The following GSDMC variants were observed in gnomAD, a reference collection of about 807,000 sequenced individuals.
GSDMC encodes the protein gasdermin-C.
Under a neutral mutation model 58.0 loss-of-function variants are expected in GSDMC, and 59 were observed. The ratio of observed to expected loss-of-function variants is 1.02; its 90% CI spans 0.82 to 1.26. The LOEUF is 1.26. GSDMC is among the 50% of genes most tolerant of loss of function. The pLI is 0.00. For synonymous variants in GSDMC, 241 were observed against 220.2 expected, an observed-to-expected ratio of 1.09 and a Z score of -0.83; for missense variants, 659 against 598.5, an observed-to-expected ratio of 1.10 and a Z score of -1.06.
intron 3 of GSDMC, among the ~76,000 whole-genome samples, chr8:129,773,748 T>C (rs934056988): frequency 6.7e-6 from 1 of 148,588 alleles, no homozygotes; most frequent in Admixed American, 6.8e-5. Context: ...ATCACGCCAT[T>C]GTACTCCAGC....
At chr8:129,750,775 C>T (rs2033158213) in intron 10 of GSDMC, among the ~76,000 whole-genome samples, 1 of 152,096 alleles carries the variant, frequency 6.6e-6, no homozygotes, top group African/African-American at 2.4e-5. Flanking sequence ...ATCCAGTGTT[C>T]TGAAAAGGGG....
At chr8:129,759,052 A>T (rs2033554984) in intron 6 of GSDMC, among the ~76,000 whole-genome samples, 1 of 152,162 alleles carries the variant, frequency 6.6e-6, no homozygotes, top group African/African-American at 2.4e-5. Flanking sequence ...ACCTAGAAAC[A>T]AATCTATGTA....
rs766868112 is a variant in GSDMC, at chr8:129,777,359, T to A, written c.220+9A>T. ...ACCCCTCACCTCCTTGGCCTCTGGCTGACAATACCTAGGACTGAAGAACTT... is the reference window on the plus strand; with the variant it reads ...ACCCCTCACCTCCTTGGCCTCTGGCAGACAATACCTAGGACTGAAGAACTT... On this transcript the variant is annotated intron_variant, in intron 2 of 13. Transcript: ENST00000276708. 6.4e-7 allele frequency: 1 copy of A among 1,572,492 alleles called. No individual in the cohort carries two copies. The highest frequency in any genetic ancestry group is 8.8e-7 in the Non-Finnish European group (1 of 1,142,356).
the GSDMC span, among the ~76,000 whole-genome samples, chr8:129,742,353 T>C: frequency 6.6e-6 from 1 of 152,126 alleles, no homozygotes; most frequent in East Asian, 1.9e-4. Context: ...TGTATACATA[T>C]ATCAAAATAT....
downstream of GSDMC, among the ~76,000 whole-genome samples, chr8:129,746,812 T>C (rs2032972003): frequency 6.6e-6 from 1 of 152,060 alleles, no homozygotes; most frequent in Admixed American, 6.6e-5. Flanking sequence ...ATATAATCTC[T>C]CTCCAAGGAA....
At chr8:129,763,831 G>C (rs1453734240) in intron 4 of GSDMC, among the ~76,000 whole-genome samples, 3 of 152,114 alleles carry the variant, frequency 2.0e-5, no homozygotes, top group Non-Finnish European at 4.4e-5. Context: ...CCACCTGCAA[G>C]AGCCTCCCAA....
chr8:129,753,117 A>G (rs1212499395), intron 6 of GSDMC, among the ~76,000 whole-genome samples: 3 of 152,212 alleles, frequency 2.0e-5, no homozygotes, highest in African/African-American at 4.8e-5. Flanking sequence ...CTAGGCTCAG[A>G]GCCAGAGGAC....
the GSDMC span, among the ~76,000 whole-genome samples, chr8:129,715,992 C>A: frequency 1.3e-5 from 2 of 152,036 alleles, no homozygotes; most frequent in Non-Finnish European, 2.9e-5. Context: ...CCTAAAGCAA[C>A]TTCTAAAATA....
At chr8:129,753,166 G>A (rs993085959) in intron 6 of GSDMC, among the ~76,000 whole-genome samples, 8 of 152,192 alleles carry the variant, frequency 5.3e-5, no homozygotes, top group Non-Finnish European at 1.0e-4. Context: ...CAGCTGGGGT[G>A]ACTAAAAAAA....
chr8:129,770,378 C>A (rs1367337441), intron 3 of GSDMC, among the ~76,000 whole-genome samples: 1 of 152,128 alleles, frequency 6.6e-6, no homozygotes, highest in Non-Finnish European at 1.5e-5. Flanking sequence ...CACCTATAGT[C>A]CCATGTACTT....
the GSDMC span, among the ~76,000 whole-genome samples, chr8:129,713,808 C>A: frequency 6.6e-6 from 1 of 152,066 alleles, no homozygotes; most frequent in Non-Finnish European, 1.5e-5. Flanking sequence ...AGTTCCCAAC[C>A]ACCCTTTAAT....
At chr8:129,781,775 A>T (rs1480109772) in intron 1 of GSDMC, among the ~76,000 whole-genome samples, 1 of 151,488 alleles carries the variant, frequency 6.6e-6, no homozygotes. Flanking sequence ...ATAGCTAGAG[A>T]CTTCAACATC....
the GSDMC span, chr8:129,730,184 A>C: frequency 1.7e-6 from 2 of 1,179,284 alleles, no homozygotes; most frequent in East Asian, 2.5e-5. Flanking sequence ...TATGTGTAAA[A>C]CTGTACAACA....
intron 5 of GSDMC, among the ~76,000 whole-genome samples, chr8:129,761,369 C>A (rs2033654120): frequency 6.6e-6 from 1 of 152,164 alleles, no homozygotes; most frequent in Non-Finnish European, 1.5e-5. Context: ...CACCTGTTGT[C>A]CCCTCACAGC....
chr8:129,751,813 G>A, intron 9 of GSDMC, 49 bp downstream of exon 9: 1 of 1,565,314 alleles, frequency 6.4e-7, no homozygotes, highest in Non-Finnish European at 8.8e-7. Flanking sequence ...CTTACCCCAT[G>A]TGTGCAGGAT....
At chr8:129,715,437 A>T in the GSDMC span, among the ~76,000 whole-genome samples, 1 of 152,168 alleles carries the variant, frequency 6.6e-6, no homozygotes, top group South Asian at 2.1e-4. Context: ...GACAGAAAAA[A>T]AAATATTTGG....
chr8:129,721,642 A>G, the GSDMC span, among the ~76,000 whole-genome samples: 1 of 152,238 alleles, frequency 6.6e-6, no homozygotes, highest in Non-Finnish European at 1.5e-5. Context: ...ATTAGACTTC[A>G]GACAGGGCTG....
chr8:129,723,907 G>A, the GSDMC span, among the ~76,000 whole-genome samples: 1 of 152,276 alleles, frequency 6.6e-6, no homozygotes, highest in Middle Eastern at 3.4e-3. Flanking sequence ...GAAAGAATGA[G>A]GTATGTTTTA....
the GSDMC span, among the ~76,000 whole-genome samples, chr8:129,712,960 G>A: frequency 2.0e-5 from 3 of 152,198 alleles, no homozygotes; most frequent in Admixed American, 6.5e-5. Flanking sequence ...GACTGAAGCT[G>A]GATGAGCAAC....
Sources: gnomAD v4.1 joint callset for allele counts (sites outside exome capture counted in the v4.1 genomes callset) on GRCh38, gnomAD v4.1.1 for gene constraint, MANE v1.5 for transcripts, NCBI Gene and HGNC (gene_info 2026-07-23, HGNC 2026-07-21) for gene names.